SLC38A9: variants seen among roughly 807,000 people sequenced by gnomAD.
SLC38A9 encodes neutral amino acid transporter 9.
A neutral mutation model predicts 62.3 loss-of-function variants in SLC38A9; 48 were observed. The observed-to-expected ratio is 0.77, with a 90% CI of 0.61 to 0.98. The LOEUF (loss-of-function observed/expected upper bound fraction) is 0.98, where lower values mean the gene tolerates loss of function less well. Among genes scored for constraint, SLC38A9 ranks in the 50% least tolerant of loss-of-function variants. The pLI is 0.00. For synonymous variants in SLC38A9, 204 were observed against 227.7 expected, an observed-to-expected ratio of 0.90 and a Z score of 0.94; for missense variants, 541 against 679.8, an observed-to-expected ratio of 0.80 and a Z score of 2.27.
chr5:55,710,362 C>G lies in SLC38A9; in HGVS notation c.-35+1090G>C, dbSNP rs568043082. Among the ~76,000 whole-genome samples the G allele has an allele frequency of 4.6e-5, 7 of 151,906 alleles. No individual in the cohort carries two copies. The East Asian group carries it at 1.4e-3, about 30-fold the overall frequency. ...GGATTACAGATGAGACGCATACCACCACACCTGGCTGATTTTTGTATTTTT... is the reference window on the plus strand; with the variant it reads ...GGATTACAGATGAGACGCATACCACGACACCTGGCTGATTTTTGTATTTTT... On this transcript the variant is annotated intron_variant, in intron 2 of 15. Coordinates refer to ENST00000396865, the MANE Select transcript of SLC38A9 (RefSeq NM_173514.4).
chr5:55,706,589 C>G (rs1757323376), intron 2 of SLC38A9, among the ~76,000 whole-genome samples: 2 of 152,158 alleles, frequency 1.3e-5, no homozygotes, highest in African/African-American at 4.8e-5. Flanking sequence ...TGCAGCATAG[C>G]AGAATTAGCT....
At chr5:55,670,497 T>C (rs554410039) in intron 4 of SLC38A9, among the ~76,000 whole-genome samples, 1 of 152,298 alleles carries the variant, frequency 6.6e-6, no homozygotes, top group South Asian at 2.1e-4. Flanking sequence ...AAAGCAAGAG[T>C]TTAAAAATCC....
chr5:55,685,976 T>C (rs1310121261), intron 3 of SLC38A9, among the ~76,000 whole-genome samples: 1 of 152,250 alleles, frequency 6.6e-6, no homozygotes, highest in African/African-American at 2.4e-5. Flanking sequence ...TTCTTTTTTA[T>C]GGCTGCACAG....
intron 3 of SLC38A9, among the ~76,000 whole-genome samples, chr5:55,678,147 TC>T (rs1280971477): frequency 4.1e-5 from 6 of 147,168 alleles, no homozygotes; most frequent in South Asian, 4.5e-4. Context: ...GGTTTTTTTT[TC>T]TTTTTTTGAG....
At chr5:55,692,866 ATAAG>A (rs776406820) in intron 3 of SLC38A9, 55 of 979,690 alleles carry the variant, frequency 5.6e-5, no homozygotes, top group Non-Finnish European at 6.2e-5. Flanking sequence ...ATTGGATTAT[ATAAG>A]TAAGAATCAA....
At chr5:55,704,908 A>T (rs917487045) in intron 2 of SLC38A9, among the ~76,000 whole-genome samples, 4 of 152,210 alleles carry the variant, frequency 2.6e-5, no homozygotes, top group Non-Finnish European at 5.9e-5. Flanking sequence ...GATAATAAAA[A>T]TACTAGTCTT....
intron 2 of SLC38A9, among the ~76,000 whole-genome samples, chr5:55,700,396 G>GA (rs1370871378): frequency 4.1e-5 from 6 of 147,738 alleles, no homozygotes; most frequent in Admixed American, 6.7e-5. Context: ...GACCAAAGGG[G>GA]AAAAAAAAAG....
chr5:55,645,654 A>G lies in SLC38A9; in HGVS notation c.1167+135T>C, dbSNP rs144221748. On this transcript the variant is annotated intron_variant, in intron 12 of 15. Transcript: ENST00000396865. ...AGAAAAATTTGCTGACGACTGCTCT[A>G]TGGTTTAAGTTTAAAAATTAAGATC... 1.6e-4 allele frequency: 107 copies of G among 684,382 alleles called. 1 individual carries two copies. In the East Asian group the frequency reaches 2.9e-3, roughly 19 times the overall value. 42.4% of individuals were successfully genotyped at this position (684,382 alleles called of 1,614,324 possible).
Position 55,697,942 on chromosome 5 carries a change from C to G in SLC38A9, c.17G>C (p.Ser6Thr), listed in dbSNP as rs762440454. Residue 6 changes from serine (S) to threonine (T), a missense_variant, in exon 3 of 16, where the codon AGT (serine) becomes ACT (threonine). Ser to Thr is a moderately conservative substitution (Grantham distance 58, BLOSUM62 1). Coordinates refer to ENST00000396865, the MANE Select transcript of SLC38A9 (RefSeq NM_173514.4). MANMN[S>T]DSRHLGTSEV... Reference sequence around the variant, plus strand: ...AGAGGTGCCAAGATGCCTAGAATCACTATTCATATTTGCCATTTTTCTCAC... The same window carrying G: ...AGAGGTGCCAAGATGCCTAGAATCAGTATTCATATTTGCCATTTTTCTCAC... 3 of 1,595,410 alleles carry G rather than the reference C, an allele frequency of 1.9e-6. No individual in the cohort carries two copies. Among genetic ancestry groups the G allele is most frequent in the South Asian group, 2.3e-5 (2 of 86,742 alleles).
chr5:55,690,143 A>AT (rs1277362648), intron 3 of SLC38A9, among the ~76,000 whole-genome samples: 3 of 151,990 alleles, frequency 2.0e-5, no homozygotes, highest in Non-Finnish European at 4.4e-5. Flanking sequence ...TTGTATTTAG[A>AT]TTTTTTTTGC....
chr5:55,664,824 C>T lies in SLC38A9; in HGVS notation c.566G>A (p.Cys189Tyr). ...CCCAAAGGAGCCGAAATAATGTCTG[C>T]AGACATCTGGATATTCCCAGCTAGT... is the stretch of plus-strand genomic sequence containing the variant. Reference protein sequence around the residue: ...DTTSWEYPDVCRHYFGSFGQW... With the variant: ...DTTSWEYPDVYRHYFGSFGQW... The change falls in exon 8 of 16, where the codon TGC becomes TAC. Residue 189 changes from cysteine to tyrosine, a missense_variant. Transcript: ENST00000396865. The T allele has an allele frequency of 4.5e-6, 7 of 1,570,164 alleles. No individual in the cohort carries two copies. The highest frequency in any genetic ancestry group is 6.0e-6 in the Non-Finnish European group (7 of 1,161,626).
intron 10 of SLC38A9, among the ~76,000 whole-genome samples, 172 bp downstream of exon 10, chr5:55,652,357 C>CAA (rs60557392): frequency 0.014 from 793 of 56,154 alleles, 38 homozygotes; most frequent in African/African-American, 0.052. Flanking sequence ...AACTCCGTCT[C>CAA]AAAAAAAAAA....
intron 3 of SLC38A9, among the ~76,000 whole-genome samples, chr5:55,677,857 C>G (rs746272737): frequency 4.6e-5 from 7 of 151,006 alleles, no homozygotes; most frequent in Non-Finnish European, 8.8e-5. Flanking sequence ...CAACTCTTCT[C>G]CTTCCCCCAA....
intron 3 of SLC38A9, chr5:55,691,332 G>A: frequency 2.8e-6 from 4 of 1,447,350 alleles, no homozygotes; most frequent in South Asian, 1.5e-5. Context: ...TGAATAAGGG[G>A]CAGAAGAAAA....
Position 55,667,959 on chromosome 5 carries a change from C to T in SLC38A9, c.526+1269G>A, listed in dbSNP as rs535272521. ...GCAGAGGTGAGCAGATCACTTGAGC[C>T]CAGTAGTTCGAGACCAACTTGAGCA... On this transcript the variant is annotated intron_variant, in intron 7 of 15. Transcript: ENST00000396865. 4.1e-4 allele frequency among the ~76,000 whole-genome samples: 62 copies of T among 152,186 alleles called. 1 individual carries two copies. The highest frequency in any genetic ancestry group is 1.4e-3 in the African/African-American group (58 of 41,532).
chr5:55,645,444 A>G (rs1746168403), intron 12 of SLC38A9, among the ~76,000 whole-genome samples: 1 of 152,226 alleles, frequency 6.6e-6, no homozygotes, highest in African/African-American at 2.4e-5. Flanking sequence ...CTGGCAAACT[A>G]TGACTCATGG....
At chr5:55,675,153 A>G (rs1158101655) in intron 3 of SLC38A9, 1 of 152,162 alleles carries the variant, frequency 6.6e-6, no homozygotes, top group East Asian at 1.9e-4. Context: ...ATTGGTTCCA[A>G]CCACTAAGTT....
At chr5:55,641,355 T>C (rs889460726) in intron 12 of SLC38A9, among the ~76,000 whole-genome samples, 2 of 152,238 alleles carry the variant, frequency 1.3e-5, no homozygotes, top group Non-Finnish European at 2.9e-5. Flanking sequence ...TCATCTTTTG[T>C]GCTTTCAATG....
intron 7 of SLC38A9, 84 bp from the exon 8 acceptor site, chr5:55,664,947 A>C: frequency 1.1e-6 from 1 of 891,220 alleles, no homozygotes; most frequent in East Asian, 3.0e-5. Context: ...ATAAACTCAA[A>C]ATATTTGGCG....
Sources: allele counts gnomAD v4.1 joint callset (sites outside exome capture counted in the v4.1 genomes callset), GRCh38; gene constraint gnomAD v4.1.1; transcripts MANE v1.5; gene names NCBI Gene and HGNC (gene_info 2026-07-23, HGNC 2026-07-21).